Variants in NBAS observed in about 807,000 individuals in gnomAD.
The protein encoded by NBAS is NAG/BC035112 fusion.
Under a neutral mutation model 302.5 loss-of-function variants are expected in NBAS, and 219 were observed. The observed-to-expected ratio is 0.72, with a 90% CI of 0.65 to 0.81. The LOEUF (loss-of-function observed/expected upper bound fraction) is 0.81, where lower values mean the gene tolerates loss of function less well. NBAS is among the 30% of genes least tolerant of loss of function. The probability of loss-of-function intolerance (pLI) is 0.00; values close to 1 mark genes in which losing one functional copy is unlikely to be tolerated. For missense variants in NBAS, 2,932 were observed against 2,841.6 expected, an observed-to-expected ratio of 1.03 and a Z score of -0.72; for synonymous variants, 1,118 against 1,021.6, an observed-to-expected ratio of 1.09 and a Z score of -1.80.
chr2:14,811,985 A>C, the NBAS span, among the ~76,000 whole-genome samples: 1 of 152,230 alleles, frequency 6.6e-6, no homozygotes, highest in Non-Finnish European at 1.5e-5. Context: ...TTAGGGGATG[A>C]AAATGAGATC....
the NBAS span, among the ~76,000 whole-genome samples, chr2:14,945,371 A>G: frequency 6.6e-6 from 1 of 151,776 alleles, no homozygotes; most frequent in African/African-American, 2.4e-5. Flanking sequence ...ACTTCAGTGC[A>G]CAGACACAGA....
the NBAS span, among the ~76,000 whole-genome samples, chr2:14,843,429 CA>C: frequency 4.0e-5 from 6 of 151,516 alleles, no homozygotes; most frequent in African/African-American, 9.7e-5. Flanking sequence ...AAGACCCCAC[CA>C]AAAAAAATGG....
At chr2:14,844,868 T>C in the NBAS span, among the ~76,000 whole-genome samples, 4 of 151,884 alleles carry the variant, frequency 2.6e-5, no homozygotes, top group African/African-American at 4.8e-5. Flanking sequence ...ATGGTTTGAG[T>C]GCCAGCTCAG....
the NBAS span, among the ~76,000 whole-genome samples, chr2:14,889,085 T>C: frequency 1.3e-5 from 2 of 152,190 alleles, no homozygotes; most frequent in Admixed American, 1.3e-4. Context: ...CCAAAGCAGG[T>C]ATTTTCTTAT....
chr2:14,939,474 C>T, the NBAS span, among the ~76,000 whole-genome samples: 1 of 152,222 alleles, frequency 6.6e-6, no homozygotes, highest in Non-Finnish European at 1.5e-5. Context: ...GAATAAAGAC[C>T]TTCTGACTCC....
chr2:15,459,601 TC>T (rs1679414627), intron 21 of NBAS, among the ~76,000 whole-genome samples: 1 of 150,952 alleles, frequency 6.6e-6, no homozygotes, highest in African/African-American at 2.4e-5. Flanking sequence ...TGCCTCAGCC[TC>T]CCAAGTAGCT....
intron 32 of NBAS, among the ~76,000 whole-genome samples, chr2:15,360,649 CTTTTT>C (rs369254532): frequency 1.4e-4 from 17 of 123,278 alleles, no homozygotes; most frequent in Non-Finnish European, 2.0e-4. Context: ...CATGACCAGC[CTTTTT>C]TTTTTTTTTT....
intron 48 of NBAS, among the ~76,000 whole-genome samples, chr2:15,202,516 GTTTGTTTA>G (rs1166921690): frequency 1.0e-5 from 1 of 100,284 alleles, no homozygotes; most frequent in African/African-American, 6.1e-5. Context: ...ACGTGTGTTT[GTTTGTTTA>G]TTTATTTATT....
the NBAS span, among the ~76,000 whole-genome samples, chr2:15,075,128 T>A: frequency 2.0e-5 from 3 of 152,230 alleles, no homozygotes; most frequent in African/African-American, 7.2e-5. Flanking sequence ...AGTGCCTTTT[T>A]GGTAATAGCA....
chr2:14,839,567 T>A, the NBAS span, among the ~76,000 whole-genome samples: 1 of 152,086 alleles, frequency 6.6e-6, no homozygotes, highest in African/African-American at 2.4e-5. Flanking sequence ...GTTGTAGATT[T>A]GTTTCACTGG....
intron 48 of NBAS, among the ~76,000 whole-genome samples, chr2:15,195,386 T>G (rs1172783652): frequency 6.6e-6 from 1 of 152,236 alleles, no homozygotes; most frequent in Non-Finnish European, 1.5e-5. Context: ...ACATACTGTC[T>G]GATTCCATTT....
chr2:15,239,693 T>C (rs1441267450), intron 44 of NBAS, among the ~76,000 whole-genome samples: 1 of 148,278 alleles, frequency 6.7e-6, no homozygotes, highest in African/African-American at 2.5e-5. Flanking sequence ...TATTCAGACA[T>C]ATGCATATAC....
chr2:15,214,306 A>G (rs535533225), intron 48 of NBAS, among the ~76,000 whole-genome samples: 1 of 152,354 alleles, frequency 6.6e-6, no homozygotes, highest in South Asian at 2.1e-4. Context: ...ATAGACAAAC[A>G]TAAGGATAGG....
the NBAS span, among the ~76,000 whole-genome samples, chr2:15,140,893 T>A: frequency 1.3e-5 from 2 of 152,224 alleles, no homozygotes; most frequent in Non-Finnish European, 2.9e-5. Flanking sequence ...CATACATTTT[T>A]CAGAAATTCT....
intron 24 of NBAS, among the ~76,000 whole-genome samples, chr2:15,415,983 T>G (rs1379277844): frequency 6.6e-6 from 1 of 152,076 alleles, no homozygotes; most frequent in Non-Finnish European, 1.5e-5. Flanking sequence ...ATAAGCAATA[T>G]GGGGTCCCAA....
At chr2:14,916,737 G>A in the NBAS span, among the ~76,000 whole-genome samples, 1 of 152,184 alleles carries the variant, frequency 6.6e-6, no homozygotes, top group Non-Finnish European at 1.5e-5. Context: ...ACTCTTCCCT[G>A]TTGTCTCAGA....
At position 15,436,076 on chromosome 2, in the gene NBAS, TAATG is replaced by T. The variant is rs570459907; in HGVS notation, c.2340-8286_2340-8283del. On this transcript the variant is annotated intron_variant, in intron 21 of 51. Transcript: ENST00000281513. ...TCCACATGAGCTCAAAAATAGTCAC[TAATG>T]AATGAATGATCAGTAGGAACAGACC... is the stretch of plus-strand genomic sequence containing the variant. 9.2e-3 allele frequency among the ~76,000 whole-genome samples: 1,400 copies of T among 152,250 alleles called. 19 individuals carry two copies. The highest frequency in any genetic ancestry group is 0.03 in the African/African-American group (1,249 of 41,558).
the NBAS span, among the ~76,000 whole-genome samples, chr2:15,030,725 T>G: frequency 2.0e-5 from 3 of 152,212 alleles, no homozygotes; most frequent in African/African-American, 7.2e-5. Context: ...CAGCTGGGTT[T>G]CTCAGCACTA....
At chr2:14,784,804 TC>T in the NBAS span, among the ~76,000 whole-genome samples, 1 of 152,190 alleles carries the variant, frequency 6.6e-6, no homozygotes, top group South Asian at 2.1e-4. Context: ...CGATGCAGGC[TC>T]TTTTTTGGTT....
Sources: gnomAD v4.1 joint callset for allele counts (sites outside exome capture counted in the v4.1 genomes callset) on GRCh38, gnomAD v4.1.1 for gene constraint, MANE v1.5 for transcripts, NCBI Gene and HGNC (gene_info 2026-07-23, HGNC 2026-07-21) for gene names.